FRMD4A: variants seen among roughly 807,000 people sequenced by gnomAD.
FRMD4A encodes FERM domain containing 4A.
FRMD4A carries 29 observed loss-of-function variants against 129.1 expected under a neutral mutation model. That is an observed-to-expected ratio of 0.22 (90% CI 0.17 to 0.31). The LOEUF is 0.31. Ranked by LOEUF, FRMD4A falls within the 10% of genes least tolerant of loss-of-function variation. The probability of loss-of-function intolerance (pLI) is 1.00; values close to 1 mark genes in which losing one functional copy is unlikely to be tolerated. For missense variants in FRMD4A, 1,272 were observed against 1,375.8 expected, an observed-to-expected ratio of 0.92 and a Z score of 1.19; for synonymous variants, 634 against 571.6, an observed-to-expected ratio of 1.11 and a Z score of -1.56.
intron 2 of FRMD4A, among the ~76,000 whole-genome samples, chr10:14,186,238 C>T (rs1013234143): frequency 6.6e-6 from 1 of 152,108 alleles, no homozygotes; most frequent in Non-Finnish European, 1.5e-5. Context: ...ATCAATATGA[C>T]CAACCAGAGC....
At chr10:13,670,198 G>A (rs1340398640) in intron 17 of FRMD4A, among the ~76,000 whole-genome samples, 1 of 152,130 alleles carries the variant, frequency 6.6e-6, no homozygotes, top group African/African-American at 2.4e-5. Flanking sequence ...AACTTCGACA[G>A]ACACCCAAAT....
chr10:13,922,370 A>G (rs577635209), intron 2 of FRMD4A, among the ~76,000 whole-genome samples: 55 of 152,348 alleles, frequency 3.6e-4, no homozygotes, highest in Admixed American at 7.8e-4. Context: ...ATGTCAGTAC[A>G]TGTATTATGG....
intron 12 of FRMD4A, among the ~76,000 whole-genome samples, chr10:13,727,303 A>G (rs1281435248): frequency 6.6e-6 from 1 of 152,204 alleles, no homozygotes; most frequent in Non-Finnish European, 1.5e-5. Flanking sequence ...AGCACCGACC[A>G]GCCTCTTTCT....
chr10:13,770,956 G>A (rs190248431), intron 6 of FRMD4A, among the ~76,000 whole-genome samples: 3 of 152,328 alleles, frequency 2.0e-5, no homozygotes, highest in Admixed American at 2.0e-4. Flanking sequence ...CAGATGAGAT[G>A]ACGTCATCTG....
chr10:13,795,605 T>A (rs138053330), intron 5 of FRMD4A, among the ~76,000 whole-genome samples: 158 of 152,342 alleles, frequency 1.0e-3, no homozygotes, highest in Non-Finnish European at 1.9e-3. Context: ...AACAGAGTTG[T>A]ATGGCATGGG....
chr10:14,181,729 T>C (rs534519789), intron 2 of FRMD4A, among the ~76,000 whole-genome samples: 16 of 152,330 alleles, frequency 1.1e-4, no homozygotes, highest in South Asian at 4.1e-4. Context: ...CTCACTCTGT[T>C]GTCCAGGCTG....
intron 3 of FRMD4A, among the ~76,000 whole-genome samples, chr10:13,838,449 TCA>T (rs1372994090): frequency 6.6e-6 from 1 of 151,700 alleles, no homozygotes; most frequent in East Asian, 1.9e-4. Flanking sequence ...GCTCTGCTTC[TCA>T]GTTTGTTGCA....
intron 3 of FRMD4A, among the ~76,000 whole-genome samples, chr10:13,836,614 C>T (rs537217876): frequency 2.0e-5 from 3 of 152,214 alleles, no homozygotes; most frequent in East Asian, 1.9e-4. Flanking sequence ...TTAATTACAT[C>T]GGGTCCTTGT....
intron 6 of FRMD4A, among the ~76,000 whole-genome samples, chr10:13,782,116 T>G (rs1002923390): frequency 2.0e-5 from 3 of 149,952 alleles, no homozygotes; most frequent in Non-Finnish European, 4.4e-5. Flanking sequence ...ATGGTTAAGA[T>G]AGTAAATGTA....
At chr10:13,772,650 G>C (rs1235944355) in intron 6 of FRMD4A, among the ~76,000 whole-genome samples, 2 of 152,174 alleles carry the variant, frequency 1.3e-5, no homozygotes, top group Admixed American at 6.5e-5. Context: ...AATGCTAAAA[G>C]CCATCCCAGG....
Position 13,955,252 on chromosome 10 carries a change from C to T in FRMD4A, c.46-96340G>A, listed in dbSNP as rs2457852. 5.1e-3 allele frequency among the ~76,000 whole-genome samples: 771 copies of T among 151,820 alleles called. 4 individuals carry two copies. The highest frequency in any genetic ancestry group is 0.018 in the African/African-American group (744 of 41,372). On this transcript the variant is annotated intron_variant, in intron 2 of 24. Transcript: ENST00000357447. The stretch of plus-strand genomic sequence containing the variant: ...CCTCCAGAGTAGCTGGGACTACAGG[C>T]GCTCACCACCACGTCCAGCTAATTT...
In FRMD4A at chr10:13,660,298, A is replaced by G; in HGVS notation, c.1898+18T>C. The G allele has an allele frequency of 1.3e-6, 2 of 1,541,726 alleles. No individual in the cohort carries two copies. Among genetic ancestry groups the G allele is most frequent in the Non-Finnish European group, 1.8e-6 (2 of 1,114,288 alleles). ...ATAGAGGGAGGCCTCATTTGGCCTC[A>G]TTCACGATGCAGCTCACCTGGAATG... On this transcript the variant is annotated intron_variant, in intron 20 of 24. Coordinates refer to ENST00000357447, the MANE Select transcript of FRMD4A (RefSeq NM_018027.5).
chr10:14,234,868 G>T (rs1843748679), intron 2 of FRMD4A, among the ~76,000 whole-genome samples: 1 of 152,222 alleles, frequency 6.6e-6, no homozygotes, highest in South Asian at 2.1e-4. Context: ...CGTTAGATCA[G>T]TTGCTACTGA....
intron 2 of FRMD4A, among the ~76,000 whole-genome samples, chr10:14,135,803 T>C (rs935337143): frequency 2.6e-5 from 4 of 152,202 alleles, no homozygotes; most frequent in African/African-American, 9.7e-5. Context: ...CTTTATTTTA[T>C]TTTGCGGGAT....
intron 9 of FRMD4A, among the ~76,000 whole-genome samples, chr10:13,746,366 A>T (rs1439439125): frequency 1.3e-5 from 2 of 151,830 alleles, no homozygotes; most frequent in Admixed American, 6.6e-5. Flanking sequence ...GCGCGACATC[A>T]TGTCCAGCTA....
At chr10:13,971,929 C>T in intron 2 of FRMD4A, 1 of 1,226,816 alleles carries the variant, frequency 8.2e-7, no homozygotes, top group Non-Finnish European at 1.0e-6. Flanking sequence ...GTCCAAATAA[C>T]TCTGATTCCT....
intron 16 of FRMD4A, among the ~76,000 whole-genome samples, chr10:13,673,157 A>G (rs187128046): frequency 2.6e-5 from 4 of 152,260 alleles, no homozygotes; most frequent in Admixed American, 2.6e-4. Flanking sequence ...ACCCAAACTC[A>G]TATTTTTTCC....
At chr10:14,005,265 G>A (rs1412437995) in intron 2 of FRMD4A, among the ~76,000 whole-genome samples, 2 of 152,026 alleles carry the variant, frequency 1.3e-5, no homozygotes, top group Non-Finnish European at 2.9e-5. Flanking sequence ...CTCGTGATCC[G>A]ACCAGCTCGG....
intron 6 of FRMD4A, among the ~76,000 whole-genome samples, chr10:13,764,804 G>C (rs539110136): frequency 3.1e-4 from 47 of 152,308 alleles, no homozygotes; most frequent in African/African-American, 1.1e-3. Flanking sequence ...CAGAGAGCTA[G>C]AGGTAAAAGA....
Sources: allele counts gnomAD v4.1 joint callset (sites outside exome capture counted in the v4.1 genomes callset), GRCh38; gene constraint gnomAD v4.1.1; transcripts MANE v1.5; gene names NCBI Gene and HGNC (gene_info 2026-07-23, HGNC 2026-07-21).